SLTM: variants seen among roughly 807,000 people sequenced by gnomAD.
The protein encoded by SLTM is SAFB like transcription modulator, also known as SAFB-like transcription modulator.
In SLTM, 43 loss-of-function variants were observed where a neutral mutation model predicts 134.6. The ratio of observed to expected loss-of-function variants is 0.32; its 90% CI spans 0.25 to 0.41. SLTM has a LOEUF of 0.41. SLTM is among the 10% of genes least tolerant of loss of function. The pLI, the probability that SLTM is intolerant of heterozygous loss-of-function variation, is 1.00. For missense variants in SLTM, 1,055 were observed against 1,288.8 expected (o/e 0.82, Z 2.78); for synonymous variants, 424 against 432.3 (o/e 0.98, Z 0.24).
chr15:58,883,480 G>T, intron 20 of SLTM, 146 bp downstream of exon 20: 1 of 998,206 alleles, frequency 1.0e-6, no homozygotes. Context: ...CACTCTTTTG[G>T]AGACTACGGG....
intron 6 of SLTM, 84 bp from the exon 7 acceptor site, chr15:58,900,021 A>C (rs1335472041): frequency 9.0e-7 from 1 of 1,108,228 alleles, no homozygotes; most frequent in Non-Finnish European, 1.3e-6. Context: ...GGACCTAGAA[A>C]ATATAAAGCC....
intron 9 of SLTM, 123 bp from the exon 10 acceptor site, chr15:58,894,705 G>GTTTT (rs3052966): frequency 1.4e-3 from 739 of 517,212 alleles, no homozygotes; most frequent in Middle Eastern, 2.5e-3. Context: ...TCTGTCTCAT[G>GTTTT]TTTTTTTTTT....
chr15:58,879,820 TACAAC>T lies in SLTM; in HGVS notation c.*174_*178del, dbSNP rs1394890422. ...AATGATACACAAAACTATTAAAAGT[TACAAC>T]AGAACTATTTAAACATCTTCTCCAA... is the stretch of plus-strand genomic sequence containing the variant. On this transcript the variant is annotated 3_prime_UTR_variant, in exon 21 of 21. Transcript: ENST00000380516. The T allele has an allele frequency of 2.5e-5, 18 of 718,726 alleles. No homozygotes were observed. In the Admixed American group the frequency reaches 2.8e-4, roughly 11 times the overall value. The allele number at this position is 718,726 out of a possible 1,614,324, so 44.5% of individuals were successfully genotyped here. A position where few individuals can be genotyped will look rare whatever the true frequency, so the allele number is the denominator to read the frequency against.
intron 7 of SLTM, 109 bp from the exon 8 acceptor site, chr15:58,898,961 TAAC>T: frequency 2.6e-6 from 2 of 759,488 alleles, no homozygotes; most frequent in South Asian, 3.3e-5. Flanking sequence ...TCATACAAAT[TAAC>T]AATTCCAAAG....
chr15:58,897,136 G>C lies in SLTM; in HGVS notation c.1206C>G (p.Asn402Lys). The part of the protein sequence containing the change: ...SSNTKAADLK[N>K]LFGKYGKVLS... The stretch of plus-strand genomic sequence containing the variant: ...GTACCTTTCCATATTTGCCAAAGAG[G>C]TTCTTCAAATCAGCAGCTTTGGTAT... The change falls in exon 9 of 21, where the codon AAC becomes AAG. Residue 402 changes from asparagine to lysine, a missense_variant. This residue lies in a region of SLTM where 776 missense variants were observed against 962.2 expected (regional missense o/e 0.81). Transcript: ENST00000380516. The C allele has an allele frequency of 6.2e-7, 1 of 1,611,244 alleles. No individual in the cohort carries two copies. The highest frequency in any genetic ancestry group is 8.5e-7 in the Non-Finnish European group (1 of 1,177,708).
At chr15:58,894,610 G>C in intron 9 of SLTM, 28 bp from the exon 10 acceptor site, 1 of 1,604,104 alleles carries the variant, frequency 6.2e-7, no homozygotes, top group Middle Eastern at 1.7e-4. Context: ...ACTTTAGAGA[G>C]TTTTACAACG....
Position 58,899,225 on chromosome 15 carries a change from A to C in SLTM, c.1058+244T>G, listed in dbSNP as rs530700142. ...GTCAATTTGAAAAAAAAAAACAAAA[A>C]ACAAAAAACAACAAAAAAACCAAAT... On this transcript the variant is annotated intron_variant, in intron 7 of 20. Coordinates refer to ENST00000380516, the MANE Select transcript of SLTM (RefSeq NM_024755.4). The surrounding 1 kb of genome is among the most constrained non-coding windows in gnomAD (Gnocchi z 5.0). 706 of 468,008 alleles carry C rather than the reference A, an allele frequency of 1.5e-3. 1 individual carries two copies. The highest frequency in any genetic ancestry group is 1.6e-3 in the Non-Finnish European group (440 of 268,874). 29.0% of individuals were successfully genotyped at this position (468,008 alleles called of 1,614,324 possible). A position where few individuals can be genotyped will look rare whatever the true frequency, so the allele number is the denominator to read the frequency against.
At chr15:58,882,194 C>CAAAAAAAAA (rs1491529353) in intron 20 of SLTM, among the ~76,000 whole-genome samples, 2 of 17,810 alleles carry the variant, frequency 1.1e-4, no homozygotes, top group Non-Finnish European at 3.6e-4. Context: ...AAAAAAAAAA[C>CAAAAAAAAA]CACACTTAGA....
intron 3 of SLTM, among the ~76,000 whole-genome samples, chr15:58,913,947 G>T (rs188778190): frequency 6.6e-6 from 1 of 152,264 alleles, no homozygotes; most frequent in East Asian, 1.9e-4. Flanking sequence ...TGCTGCTAGA[G>T]ATGCTCTAAA....
chr15:58,898,072 CA>C (rs2035220921), intron 8 of SLTM: 1 of 152,088 alleles, frequency 6.6e-6, no homozygotes, highest in African/African-American at 2.4e-5. Context: ...CTATATTTCA[CA>C]TTCTTTTAAG....
At chr15:58,892,840 T>C in intron 14 of SLTM, 57 bp downstream of exon 14, 1 of 1,519,540 alleles carries the variant, frequency 6.6e-7, no homozygotes, top group Non-Finnish European at 8.9e-7. Flanking sequence ...GGCTTACAAC[T>C]AGTGTTAAAT....
intron 2 of SLTM, among the ~76,000 whole-genome samples, chr15:58,930,222 A>G (rs1218265108): frequency 6.6e-6 from 1 of 151,260 alleles, no homozygotes; most frequent in Non-Finnish European, 1.5e-5. Flanking sequence ...CTCCTGTCTC[A>G]GCCTCCCCAG....
At chr15:58,930,042 G>A (rs1291334836) in intron 2 of SLTM, among the ~76,000 whole-genome samples, 1 of 152,050 alleles carries the variant, frequency 6.6e-6, no homozygotes, top group South Asian at 2.1e-4. Flanking sequence ...ATGATAGCCG[G>A]ATTTCAAGAA....
intron 5 of SLTM, among the ~76,000 whole-genome samples, chr15:58,905,539 T>C (rs1343784694): frequency 6.6e-6 from 1 of 152,010 alleles, no homozygotes; most frequent in African/African-American, 2.4e-5. Context: ...CCTATCTCTA[T>C]TTTAGAAAAA....
intron 20 of SLTM, 98 bp from the exon 21 acceptor site, chr15:58,880,205 C>T: frequency 6.9e-7 from 1 of 1,456,344 alleles, no homozygotes; most frequent in Non-Finnish European, 9.1e-7. Context: ...CAAAATAAAT[C>T]ATTTACTCTT....
intron 20 of SLTM, among the ~76,000 whole-genome samples, chr15:58,882,390 C>T (rs1046708679): frequency 4.6e-5 from 7 of 152,062 alleles, no homozygotes; most frequent in Non-Finnish European, 1.0e-4. Context: ...AAAGCACTTA[C>T]ATGGCAGTGG....
intron 9 of SLTM, among the ~76,000 whole-genome samples, chr15:58,896,202 G>A (rs746320052): frequency 4.8e-4 from 73 of 152,056 alleles, no homozygotes; most frequent in Non-Finnish European, 1.0e-3. Context: ...CCACAGGAAA[G>A]CCTCCCCTTT....
intron 6 of SLTM, 111 bp from the exon 7 acceptor site, chr15:58,900,048 G>T: frequency 1.4e-6 from 1 of 727,326 alleles, no homozygotes; most frequent in Non-Finnish European, 2.1e-6. Context: ...TAGCACTGAT[G>T]GAAGTTAGGG....
rs1002461288 is a variant in SLTM at position 58,924,035 on chromosome 15, G to A, written c.251-7036C>T. Among the ~76,000 whole-genome samples, 5 of 152,060 alleles carry A rather than the reference G, an allele frequency of 3.3e-5. 1 individual carries two copies. The South Asian group carries it at 8.3e-4, about 25-fold the overall frequency. On this transcript the variant is annotated intron_variant, in intron 2 of 20. Coordinates refer to ENST00000380516, the MANE Select transcript of SLTM (RefSeq NM_024755.4). The stretch of plus-strand genomic sequence containing the variant: ...TCATCATGTTGGCCAGGCTGGTCTC[G>A]AACTCCTGGCCTCAAGTGATCCACC...
Sources: gnomAD v4.1 joint callset for allele counts (sites outside exome capture counted in the v4.1 genomes callset) on GRCh38, gnomAD v4.1.1 for gene constraint, gnomAD v4.1.1 regional missense constraint, Gnocchi (gnomAD v3.1) non-coding constraint, MANE v1.5 for transcripts, NCBI Gene and HGNC (gene_info 2026-07-23, HGNC 2026-07-21) for gene names.